The following CADM2 variants were observed in gnomAD, a reference collection of about 807,000 sequenced individuals.
The protein encoded by CADM2 is cell adhesion molecule 2.
In CADM2, 12 loss-of-function variants were observed where a neutral mutation model predicts 49.8. The observed-to-expected ratio is 0.24, with a 90% CI of 0.15 to 0.39. The LOEUF is 0.39. Ranked by LOEUF, CADM2 falls within the 10% of genes least tolerant of loss-of-function variation. The pLI, the probability that CADM2 is intolerant of heterozygous loss-of-function variation, is 1.00. For missense variants in CADM2, 378 were observed against 492.3 expected (o/e 0.77, Z 2.20); for synonymous variants, 214 against 175.4 (o/e 1.22, Z -1.74).
At chr3:85,303,837 G>A (rs2044155777) in intron 1 of CADM2, among the ~76,000 whole-genome samples, 1 of 151,814 alleles carries the variant, frequency 6.6e-6, no homozygotes, top group African/African-American at 2.4e-5. Context: ...CACATAAAGT[G>A]ATTCACAGCA....
intron 1 of CADM2, among the ~76,000 whole-genome samples, chr3:85,418,183 G>A (rs2036000258): frequency 6.7e-6 from 1 of 149,334 alleles, no homozygotes; most frequent in African/African-American, 2.4e-5. Flanking sequence ...TTAGTGCAGT[G>A]AAGTTATTCT....
At chr3:85,642,583 A>G (rs753578696) in intron 1 of CADM2, among the ~76,000 whole-genome samples, 10 of 152,272 alleles carry the variant, frequency 6.6e-5, no homozygotes, top group Non-Finnish European at 1.2e-4. Flanking sequence ...TGATGATAAA[A>G]TTTTTAGGAA....
chr3:85,113,199 A>C (rs1195187328), intron 1 of CADM2, among the ~76,000 whole-genome samples: 1 of 152,108 alleles, frequency 6.6e-6, no homozygotes, highest in Admixed American at 6.6e-5. Flanking sequence ...ACATCATGCC[A>C]ATCAATCTCT....
chr3:85,336,802 G>T (rs2045090454), intron 1 of CADM2, among the ~76,000 whole-genome samples: 1 of 148,442 alleles, frequency 6.7e-6, no homozygotes. Context: ...CCATTTTAAA[G>T]ATTTAATTTT....
At chr3:85,775,656 A>T (rs1459695217) in intron 2 of CADM2, among the ~76,000 whole-genome samples, 1 of 151,844 alleles carries the variant, frequency 6.6e-6, no homozygotes, top group Non-Finnish European at 1.5e-5. Flanking sequence ...TCTATAAAAT[A>T]GATTTGGTGC....
In CADM2 at chr3:86,067,101, A is replaced by T. The variant is rs1578108623; in HGVS notation, c.*318A>T. 2 of 219,340 alleles carry T rather than the reference A, an allele frequency of 9.1e-6. No homozygotes were observed. Among genetic ancestry groups the T allele is most frequent in the East Asian group, 2.2e-4 (2 of 9,158 alleles). The allele number at this position is 219,340 out of a possible 1,614,324, so 13.6% of individuals were successfully genotyped here. A position where few individuals can be genotyped will look rare whatever the true frequency, so the allele number is the denominator to read the frequency against. On this transcript the variant is annotated 3_prime_UTR_variant, in exon 10 of 10. Transcript: ENST00000383699. ...TTATATTGAGTGGTTTTTATACATT[A>T]AAAAATGTATGCAGAGTTTTTTTCC... is the stretch of plus-strand genomic sequence containing the variant.
intron 2 of CADM2, among the ~76,000 whole-genome samples, chr3:85,744,665 A>G (rs2068539586): frequency 1.3e-5 from 2 of 152,280 alleles, no homozygotes; most frequent in Admixed American, 1.3e-4. Context: ...TGAGTTAAGT[A>G]TAAGATCAGA....
intron 1 of CADM2, among the ~76,000 whole-genome samples, chr3:85,279,390 C>A (rs2043444721): frequency 1.3e-5 from 2 of 151,210 alleles, no homozygotes; most frequent in Non-Finnish European, 3.0e-5. Flanking sequence ...TATTAATCAT[C>A]AAAATACCAT....
chr3:85,316,922 C>T (rs1311995765), intron 1 of CADM2, among the ~76,000 whole-genome samples: 2 of 152,082 alleles, frequency 1.3e-5, no homozygotes, highest in African/African-American at 4.8e-5. Flanking sequence ...GATGTGTATT[C>T]CACTAAAATA....
chr3:85,847,415 C>T (rs1417161743), intron 3 of CADM2, among the ~76,000 whole-genome samples: 2 of 152,010 alleles, frequency 1.3e-5, no homozygotes, highest in Non-Finnish European at 2.9e-5. Flanking sequence ...TAGCACATGG[C>T]AAGATTTCAG....
At chr3:85,867,256 C>T (rs1292192678) in intron 3 of CADM2, among the ~76,000 whole-genome samples, 1 of 152,024 alleles carries the variant, frequency 6.6e-6, no homozygotes, top group Non-Finnish European at 1.5e-5. Context: ...AGATAAACAA[C>T]AAGACTGACA....
chr3:85,156,517 T>A (rs1188702004), intron 1 of CADM2, among the ~76,000 whole-genome samples: 1 of 152,170 alleles, frequency 6.6e-6, no homozygotes, highest in Non-Finnish European at 1.5e-5. Flanking sequence ...CAGGACCAGA[T>A]GGATTCACAG....
At chr3:86,023,453 G>T (rs534122720) in intron 8 of CADM2, among the ~76,000 whole-genome samples, 2 of 152,102 alleles carry the variant, frequency 1.3e-5, no homozygotes, top group African/African-American at 4.8e-5. Context: ...CCACCTCCCG[G>T]GTTCAAGCAA....
chr3:85,321,519 G>T (rs2044612646), intron 1 of CADM2, among the ~76,000 whole-genome samples: 1 of 151,742 alleles, frequency 6.6e-6, no homozygotes, highest in Non-Finnish European at 1.5e-5. Flanking sequence ...TATAGACAAG[G>T]CTTCTTTGGT....
At chr3:85,798,662 G>T (rs1443229693) in intron 2 of CADM2, among the ~76,000 whole-genome samples, 1 of 152,110 alleles carries the variant, frequency 6.6e-6, no homozygotes, top group East Asian at 1.9e-4. Context: ...TGCTGTTTTG[G>T]TTACTGCAGC....
chr3:86,010,794 C>T (rs946883693), intron 8 of CADM2, among the ~76,000 whole-genome samples: 5 of 151,038 alleles, frequency 3.3e-5, no homozygotes, highest in Non-Finnish European at 4.4e-5. Flanking sequence ...ACTAGTTAAT[C>T]CAACTAAGAA....
chr3:85,544,107 A>C (rs1387793182), intron 1 of CADM2, among the ~76,000 whole-genome samples: 1 of 152,194 alleles, frequency 6.6e-6, no homozygotes, highest in Non-Finnish European at 1.5e-5. Flanking sequence ...TTAAGAAAAA[A>C]CTAATGTCAA....
chr3:85,662,052 A>T (rs1423497545), intron 1 of CADM2, among the ~76,000 whole-genome samples: 1 of 152,098 alleles, frequency 6.6e-6, no homozygotes, highest in African/African-American at 2.4e-5. Context: ...TTTTAAAAGT[A>T]TACAAGAATA....
chr3:85,760,757 A>G (rs1018123210), intron 2 of CADM2, among the ~76,000 whole-genome samples: 1 of 152,224 alleles, frequency 6.6e-6, no homozygotes, highest in Non-Finnish European at 1.5e-5. Context: ...AAGATAAATT[A>G]TATTGAAATC....
Sources: allele counts gnomAD v4.1 joint callset (sites outside exome capture counted in the v4.1 genomes callset), GRCh38; gene constraint gnomAD v4.1.1; transcripts MANE v1.5; gene names NCBI Gene and HGNC (gene_info 2026-07-23, HGNC 2026-07-21).